The following MATCAP2 variants were observed in gnomAD, a reference collection of about 807,000 sequenced individuals.
MATCAP2 encodes putative tyrosine carboxypeptidase MATCAP2.
chr7:36,390,004 C>T, the MATCAP2 span: 9 of 1,614,114 alleles, frequency 5.6e-6, no homozygotes, highest in South Asian at 9.9e-5. Flanking sequence ...TTTCCATCGT[C>T]TCGTAGTCCG....
the MATCAP2 span, among the ~76,000 whole-genome samples, chr7:36,388,954 C>T: frequency 3.9e-5 from 6 of 152,210 alleles, no homozygotes; most frequent in Non-Finnish European, 7.4e-5. Flanking sequence ...GGGGACCCAC[C>T]GGAACTGGCT....
the MATCAP2 span, chr7:36,356,182 G>T: frequency 6.6e-6 from 1 of 152,098 alleles, no homozygotes; most frequent in Admixed American, 6.5e-5. Context: ...AACACAATAG[G>T]AAGAACCAGG....
At chr7:36,345,876 G>T in the MATCAP2 span, among the ~76,000 whole-genome samples, 128 of 152,080 alleles carry the variant, frequency 8.4e-4, no homozygotes, top group African/African-American at 2.9e-3. Flanking sequence ...GTGCTTCTAA[G>T]GATACTATCA....
the MATCAP2 span, among the ~76,000 whole-genome samples, chr7:36,362,876 C>T: frequency 6.6e-6 from 1 of 152,186 alleles, no homozygotes; most frequent in East Asian, 1.9e-4. Context: ...CTCATAACAC[C>T]TTGTATCTCT....
At chr7:36,389,490 A>G in the MATCAP2 span, among the ~76,000 whole-genome samples, 1 of 152,048 alleles carries the variant, frequency 6.6e-6, no homozygotes, top group Non-Finnish European at 1.5e-5. Context: ...AGCCTCCCCA[A>G]ATGCTGGGAT....
chr7:36,330,754 G>A, the MATCAP2 span, among the ~76,000 whole-genome samples: 1 of 152,092 alleles, frequency 6.6e-6, no homozygotes, highest in Non-Finnish European at 1.5e-5. Context: ...AAAACAATAT[G>A]TATTCCCAAA....
the MATCAP2 span, among the ~76,000 whole-genome samples, chr7:36,373,366 C>T: frequency 6.6e-6 from 1 of 152,078 alleles, no homozygotes; most frequent in Non-Finnish European, 1.5e-5. Context: ...TGAGAAAGTA[C>T]CTTTGAGCTA....
chr7:36,356,811 A>G, the MATCAP2 span: 1 of 1,105,158 alleles, frequency 9.0e-7, no homozygotes, highest in Non-Finnish European at 1.4e-6. Context: ...TAATTTGAAT[A>G]TTTTTAAATG....
the MATCAP2 span, among the ~76,000 whole-genome samples, chr7:36,369,303 A>G: frequency 2.0e-5 from 3 of 152,370 alleles, no homozygotes; most frequent in African/African-American, 7.2e-5. Flanking sequence ...CACTTGCTAT[A>G]GTAATGAGCA....
chr7:36,389,400 C>T, the MATCAP2 span, among the ~76,000 whole-genome samples: 1 of 151,206 alleles, frequency 6.6e-6, no homozygotes, highest in African/African-American at 2.4e-5. Flanking sequence ...TCTCACTCTG[C>T]CGCCCAGGCT....
the MATCAP2 span, among the ~76,000 whole-genome samples, chr7:36,383,065 A>G: frequency 6.6e-6 from 1 of 152,210 alleles, no homozygotes; most frequent in African/African-American, 2.4e-5. Context: ...AGAAAGCACA[A>G]TATGTTCATG....
At chr7:36,335,190 G>T in the MATCAP2 span, 1 of 1,612,696 alleles carries the variant, frequency 6.2e-7, no homozygotes, top group Non-Finnish European at 8.5e-7. Flanking sequence ...TAAGGGGCAA[G>T]AGAAAAAGTA....
chr7:36,360,942 T>C, the MATCAP2 span, among the ~76,000 whole-genome samples: 24 of 152,330 alleles, frequency 1.6e-4, no homozygotes, highest in Admixed American at 7.2e-4. Context: ...GTAGTCATTA[T>C]ATAATGTAAA....
the MATCAP2 span, among the ~76,000 whole-genome samples, chr7:36,342,727 C>T: frequency 1.3e-5 from 2 of 152,080 alleles, no homozygotes; most frequent in African/African-American, 4.8e-5. Flanking sequence ...CAGGTTCAAG[C>T]GATTCTCCTG....
At chr7:36,357,318 T>C in the MATCAP2 span, 3 of 1,614,202 alleles carry the variant, frequency 1.9e-6, no homozygotes, top group East Asian at 2.2e-5. Flanking sequence ...GCTTTCATCC[T>C]GCGAGGATCT....
the MATCAP2 span, among the ~76,000 whole-genome samples, chr7:36,365,812 G>A: frequency 4.6e-3 from 697 of 152,322 alleles, 3 homozygotes; most frequent in Non-Finnish European, 6.5e-3. Context: ...GTTTTAAGAT[G>A]AAAGTAGCAT....
the MATCAP2 span, among the ~76,000 whole-genome samples, chr7:36,327,414 C>T: frequency 2.0e-5 from 3 of 152,186 alleles, no homozygotes; most frequent in South Asian, 6.2e-4. Flanking sequence ...GGATTACAGG[C>T]GTGAGCCACC....
chr7:36,353,125 C>T, the MATCAP2 span, among the ~76,000 whole-genome samples: 1 of 152,074 alleles, frequency 6.6e-6, no homozygotes, highest in African/African-American at 2.4e-5. Context: ...TTTTAAAAAA[C>T]TAGCCTGGTG....
the MATCAP2 span, among the ~76,000 whole-genome samples, chr7:36,336,584 T>C: frequency 6.6e-6 from 1 of 152,144 alleles, no homozygotes; most frequent in Admixed American, 6.6e-5. Context: ...TAACATCTGA[T>C]AGGCTGAGAA....
Sources: allele counts gnomAD v4.1 joint callset (sites outside exome capture counted in the v4.1 genomes callset), GRCh38; gene constraint gnomAD v4.1.1; transcripts MANE v1.5; gene names NCBI Gene and HGNC (gene_info 2026-07-23, HGNC 2026-07-21).